The following FARP2 variants were observed in gnomAD, a reference collection of about 807,000 sequenced individuals.
FARP2 encodes FERM, ARH/RhoGEF and pleckstrin domain protein 2, also known as FERM, ARHGEF and pleckstrin domain-containing protein 2.
A neutral mutation model predicts 130.5 loss-of-function variants in FARP2; 111 were observed. That is an observed-to-expected ratio of 0.85 (90% CI 0.73 to 1.00). FARP2 has a LOEUF of 1.00. FARP2 is among the 50% of genes least tolerant of loss of function. The pLI, the probability that FARP2 is intolerant of heterozygous loss-of-function variation, is 0.00. For synonymous variants in FARP2, 504 were observed against 516.9 expected (o/e 0.98, Z 0.34); for missense variants, 1,385 against 1,346.3 (o/e 1.03, Z -0.45).
intron 8 of FARP2, among the ~76,000 whole-genome samples, chr2:241,429,699 C>T (rs2063043800): frequency 6.6e-6 from 1 of 151,330 alleles, no homozygotes; most frequent in East Asian, 2.0e-4. Context: ...GCCTGGGCAA[C>T]ATAGCAAGAC....
chr2:241,492,087 G>A (rs546011428), intron 24 of FARP2, among the ~76,000 whole-genome samples: 21 of 152,266 alleles, frequency 1.4e-4, no homozygotes, highest in African/African-American at 5.1e-4. Context: ...TCACTGCATG[G>A]GCCCGGTCTG....
At chr2:241,433,920 G>A (rs1017237605) in intron 9 of FARP2, among the ~76,000 whole-genome samples, 1 of 152,136 alleles carries the variant, frequency 6.6e-6, no homozygotes, top group African/African-American at 2.4e-5. Flanking sequence ...CTACTGAGCA[G>A]TAGGAGGGGA....
intron 6 of FARP2, among the ~76,000 whole-genome samples, chr2:241,411,669 C>T (rs561904008): frequency 6.8e-4 from 104 of 152,256 alleles, no homozygotes; most frequent in Non-Finnish European, 1.3e-3. Context: ...GAGCCCCCAG[C>T]GATGGGAATA....
intron 13 of FARP2, among the ~76,000 whole-genome samples, chr2:241,450,718 G>A (rs529419146): frequency 2.6e-5 from 4 of 152,032 alleles, no homozygotes; most frequent in Admixed American, 6.5e-5. Flanking sequence ...CCAGCAATTC[G>A]GGAGGCTGAG....
chr2:241,402,911 T>G (rs1372107769), intron 2 of FARP2, among the ~76,000 whole-genome samples: 23 of 93,902 alleles, frequency 2.4e-4, no homozygotes, highest in South Asian at 2.2e-3. Flanking sequence ...TTTTTTTTTT[T>G]GTAGAGACAG....
intron 22 of FARP2, among the ~76,000 whole-genome samples, chr2:241,490,484 TAGACTC>T (rs1249127588): frequency 6.6e-6 from 1 of 152,234 alleles, no homozygotes; most frequent in African/African-American, 2.4e-5. Context: ...CAGTGTGGTA[TAGACTC>T]ACATGAGGCA....
chr2:241,393,593 T>C (rs1011059999), intron 2 of FARP2, among the ~76,000 whole-genome samples: 2 of 152,200 alleles, frequency 1.3e-5, no homozygotes, highest in Non-Finnish European at 2.9e-5. Flanking sequence ...ATATGAATTA[T>C]ATAATAGGAG....
In FARP2 at chr2:241,441,347, C is replaced by T; in HGVS notation, c.1202C>T (p.Ser401Phe). The T allele has an allele frequency of 1.2e-6, 2 of 1,612,498 alleles. No individual in the cohort carries two copies. The highest frequency in any genetic ancestry group is 1.7e-6 in the Non-Finnish European group (2 of 1,178,678). Residue 401 changes from serine to phenylalanine, a missense_variant, in exon 13 of 27, where the codon TCT becomes TTT. By Grantham distance (155) the Ser-to-Phe change is radical (BLOSUM62 -2). Coordinates refer to ENST00000264042, the MANE Select transcript of FARP2 (RefSeq NM_014808.4). ...PEGLRTPASP[S>F]SANAFYSLSP... ...GGATTGAGGACTCCTGCCTCCCCAT[C>T]TTCAGCGAATGCCTTTTACTCGCTC...
chr2:241,376,199 T>C (rs2061532712), intron 2 of FARP2, among the ~76,000 whole-genome samples: 1 of 152,178 alleles, frequency 6.6e-6, no homozygotes, highest in Non-Finnish European at 1.5e-5. Context: ...CCACTTGGCC[T>C]CATTTTTGTG....
intron 2 of FARP2, among the ~76,000 whole-genome samples, chr2:241,374,684 G>T (rs2061494485): frequency 6.6e-6 from 1 of 152,210 alleles, no homozygotes; most frequent in Admixed American, 6.5e-5. Flanking sequence ...AGTATGGAGG[G>T]TGTAAGAACT....
At chr2:241,363,799 G>A (rs150419189) in intron 1 of FARP2, among the ~76,000 whole-genome samples, 107 of 152,366 alleles carry the variant, frequency 7.0e-4, no homozygotes, top group African/African-American at 2.4e-3. Context: ...CAAAATACCA[G>A]CATTCCCCAT....
intron 19 of FARP2, chr2:241,478,409 C>T (rs1249659508): frequency 8.4e-6 from 2 of 238,714 alleles, no homozygotes; most frequent in South Asian, 5.3e-5. Context: ...GTGCCGTGGC[C>T]CAGCACCCGG....
chr2:241,431,041 A>C (rs2063077831), intron 8 of FARP2, among the ~76,000 whole-genome samples: 1 of 152,018 alleles, frequency 6.6e-6, no homozygotes, highest in Non-Finnish European at 1.5e-5. Context: ...TCCACTTCTA[A>C]TTTTCCATTT....
intron 19 of FARP2, among the ~76,000 whole-genome samples, chr2:241,476,949 G>A (rs2064484697): frequency 6.6e-6 from 1 of 152,046 alleles, no homozygotes; most frequent in Non-Finnish European, 1.5e-5. Flanking sequence ...GGGTGGGGAT[G>A]CTGTTCTGTG....
chr2:241,365,641 C>T (rs539156275), intron 1 of FARP2, among the ~76,000 whole-genome samples: 1 of 152,238 alleles, frequency 6.6e-6, no homozygotes, highest in African/African-American at 2.4e-5. Flanking sequence ...GTCATTTCTC[C>T]TGTAGGATTT....
intron 7 of FARP2, among the ~76,000 whole-genome samples, chr2:241,414,357 A>G (rs574695504): frequency 6.6e-6 from 1 of 152,330 alleles, no homozygotes; most frequent in South Asian, 2.1e-4. Flanking sequence ...GGGAGCACTC[A>G]GCTGGTGAAA....
Position 241,373,138 on chromosome 2 carries a change from C to A in FARP2, c.31C>A (p.Leu11Met). Reference protein sequence around the residue: MGEIEGTYRVLQTAGMRLGAQ... With the variant: MGEIEGTYRVMQTAGMRLGAQ... ...GGAGATAGAAGGAACATACAGAGTC[C>A]TGCAGACTGCAGGGATGCGCTTGGG... The change falls in exon 2 of 27, where the codon CTG (leucine) becomes ATG (methionine). Residue 11 changes from leucine (L) to methionine (M), a missense_variant. By Grantham distance (15) the Leu-to-Met change is conservative. Transcript: ENST00000264042. 6.7e-7 allele frequency: 1 copy of A among 1,502,810 alleles called. No homozygotes were observed. Among genetic ancestry groups the A allele is most frequent in the Admixed American group, 2.1e-5 (1 of 48,660 alleles). The allele number at this position is 1,502,810 out of a possible 1,614,324, so 93.1% of individuals were successfully genotyped here. A position where few individuals can be genotyped will look rare whatever the true frequency, so the allele number is the denominator to read the frequency against.
At chr2:241,399,344 C>T (rs939119357) in intron 2 of FARP2, among the ~76,000 whole-genome samples, 1 of 152,154 alleles carries the variant, frequency 6.6e-6, no homozygotes, top group African/African-American at 2.4e-5. Context: ...CTAGCTCTCT[C>T]GCACAGGCTG....
chr2:241,421,681 G>T (rs564926397), intron 8 of FARP2, among the ~76,000 whole-genome samples: 1 of 152,004 alleles, frequency 6.6e-6, no homozygotes. Flanking sequence ...CCCCCTACAG[G>T]TGCATTTGGG....
Sources: gnomAD v4.1 joint callset for allele counts (sites outside exome capture counted in the v4.1 genomes callset) on GRCh38, gnomAD v4.1.1 for gene constraint, MANE v1.5 for transcripts, NCBI Gene and HGNC (gene_info 2026-07-23, HGNC 2026-07-21) for gene names.